PTPRD: variants seen among roughly 807,000 people sequenced by gnomAD.
The protein encoded by PTPRD is receptor-type tyrosine-protein phosphatase delta.
PTPRD carries 34 observed loss-of-function variants against 214.5 expected under a neutral mutation model. That is an observed-to-expected ratio of 0.16 (90% CI 0.12 to 0.21). PTPRD has a LOEUF of 0.21. PTPRD is among the 10% of genes least tolerant of loss of function. The pLI, the probability that PTPRD is intolerant of heterozygous loss-of-function variation, is 1.00. For missense variants in PTPRD, 2,545 were observed against 2,398.7 expected, an observed-to-expected ratio of 1.06 and a Z score of -1.27; for synonymous variants, 1,128 against 845.7, an observed-to-expected ratio of 1.33 and a Z score of -5.79.
chr9:9,606,368 T>C (rs2094153318), intron 7 of PTPRD, among the ~76,000 whole-genome samples: 1 of 152,114 alleles, frequency 6.6e-6, no homozygotes, highest in Non-Finnish European at 1.5e-5. Flanking sequence ...ACAACAGCAA[T>C]TTCTTTAAAA....
intron 7 of PTPRD, among the ~76,000 whole-genome samples, chr9:9,730,206 T>C (rs2098164480): frequency 6.6e-6 from 1 of 152,120 alleles, no homozygotes; most frequent in Non-Finnish European, 1.5e-5. Context: ...TTTGTATTAT[T>C]TGAAAGATAT....
intron 5 of PTPRD, among the ~76,000 whole-genome samples, chr9:9,824,600 T>C (rs1295794681): frequency 6.6e-6 from 1 of 152,026 alleles, no homozygotes; most frequent in Non-Finnish European, 1.5e-5. Flanking sequence ...TTTGTGAGTA[T>C]GAGACCTAGT....
intron 9 of PTPRD, among the ~76,000 whole-genome samples, chr9:9,234,709 C>T (rs1213781987): frequency 1.3e-5 from 2 of 152,168 alleles, no homozygotes; most frequent in Admixed American, 1.3e-4. Context: ...AGTCTCTTTG[C>T]TAAAGGATAG....
At chr9:10,425,817 T>A (rs2098608443) in intron 2 of PTPRD, among the ~76,000 whole-genome samples, 1 of 151,928 alleles carries the variant, frequency 6.6e-6, no homozygotes, top group East Asian at 1.9e-4. Context: ...CTGACTCAAT[T>A]ATTATAAAAT....
At chr9:10,173,027 T>C (rs1015845812) in intron 3 of PTPRD, among the ~76,000 whole-genome samples, 1 of 152,300 alleles carries the variant, frequency 6.6e-6, no homozygotes, top group Admixed American at 6.5e-5. Flanking sequence ...AAGCCATTGA[T>C]TGGTGAGTAT....
intron 11 of PTPRD, among the ~76,000 whole-genome samples, chr9:8,796,449 C>T (rs1550004): frequency 0.48 from 72,793 of 151,824 alleles, 17,661 homozygotes; most frequent in East Asian, 0.63. Context: ...ATCAGCAGCT[C>T]AGAGTAAGTG....
intron 8 of PTPRD, among the ~76,000 whole-genome samples, chr9:9,457,498 T>C (rs933879525): frequency 1.6e-4 from 24 of 152,118 alleles, no homozygotes; most frequent in African/African-American, 5.8e-4. Flanking sequence ...TTAAACACTC[T>C]GAATATCAGA....
chr9:8,727,405 T>C (rs942444482), intron 12 of PTPRD, among the ~76,000 whole-genome samples: 1 of 152,196 alleles, frequency 6.6e-6, no homozygotes, highest in Non-Finnish European at 1.5e-5. Flanking sequence ...CTTTCCTTGC[T>C]TCAGACAGCT....
intron 39 of PTPRD, among the ~76,000 whole-genome samples, chr9:8,353,669 G>A (rs1477550837): frequency 6.6e-6 from 1 of 151,642 alleles, no homozygotes; most frequent in Non-Finnish European, 1.5e-5. Flanking sequence ...CCTGACTTCA[G>A]GTGATCTGCC....
At chr9:8,830,533 A>G (rs571158124) in intron 11 of PTPRD, among the ~76,000 whole-genome samples, 1 of 152,224 alleles carries the variant, frequency 6.6e-6, no homozygotes, top group African/African-American at 2.4e-5. Context: ...TTCAAGCACA[A>G]TTAAGTGCTC....
chr9:9,974,075 T>C (rs1010427938), intron 4 of PTPRD, among the ~76,000 whole-genome samples: 1 of 152,216 alleles, frequency 6.6e-6, no homozygotes, highest in Admixed American at 6.5e-5. Flanking sequence ...AAACAGCTTT[T>C]ATTTCAGGCA....
intron 39 of PTPRD, among the ~76,000 whole-genome samples, chr9:8,369,421 T>C (rs745882321): frequency 6.6e-6 from 1 of 151,840 alleles, no homozygotes; most frequent in Non-Finnish European, 1.5e-5. Flanking sequence ...ATTATGAAGA[T>C]TGGAACTTAG....
chr9:8,318,674 A>C (rs576282029), intron 45 of PTPRD, among the ~76,000 whole-genome samples: 3 of 152,184 alleles, frequency 2.0e-5, no homozygotes, highest in Admixed American at 6.6e-5. Context: ...ATACCTGTAA[A>C]TTCAGCCCAA....
intron 4 of PTPRD, among the ~76,000 whole-genome samples, chr9:9,951,945 G>A (rs2093490842): frequency 6.6e-6 from 1 of 152,144 alleles, no homozygotes; most frequent in South Asian, 2.1e-4. Flanking sequence ...AGAACACCTG[G>A]CCCTGGCCCA....
chr9:10,520,857 C>T (rs1589978759), intron 2 of PTPRD, among the ~76,000 whole-genome samples: 1 of 151,606 alleles, frequency 6.6e-6, no homozygotes, highest in African/African-American at 2.4e-5. Context: ...TATTTTTAAA[C>T]CCACTGTTGA....
intron 2 of PTPRD, among the ~76,000 whole-genome samples, chr9:10,498,301 T>A (rs567929905): frequency 6.6e-6 from 1 of 152,072 alleles, no homozygotes; most frequent in East Asian, 1.9e-4. Flanking sequence ...AACAATCAAG[T>A]TACAGGAGAG....
At chr9:8,451,954 A>G in intron 33 of PTPRD, 4 of 467,414 alleles carry the variant, frequency 8.6e-6, no homozygotes, top group Non-Finnish European at 1.7e-5. Context: ...GGTGAGTGAC[A>G]CTGAGCTGGA....
At chr9:8,974,380 G>C (rs2099256295) in intron 11 of PTPRD, among the ~76,000 whole-genome samples, 4 of 151,868 alleles carry the variant, frequency 2.6e-5, no homozygotes, top group South Asian at 4.2e-4. Context: ...ACCAACTCTT[G>C]GGTATACTCC....
intron 9 of PTPRD, among the ~76,000 whole-genome samples, chr9:9,334,436 T>G (rs9408759): frequency 0.088 from 13,407 of 152,002 alleles, 2,003 homozygotes; most frequent in African/African-American, 0.31. Flanking sequence ...CCTAGTTGAT[T>G]TATCTAGTGG....
Sources: gnomAD v4.1 joint callset for allele counts (sites outside exome capture counted in the v4.1 genomes callset) on GRCh38, gnomAD v4.1.1 for gene constraint, MANE v1.5 for transcripts, NCBI Gene and HGNC (gene_info 2026-07-23, HGNC 2026-07-21) for gene names.